PDE1C: variants seen among roughly 807,000 people sequenced by gnomAD.
PDE1C encodes phosphodiesterase 1C, also known as dual specificity calcium/calmodulin-dependent 3',5'-cyclic nucleotide phosphodiesterase 1C.
PDE1C carries 62 observed loss-of-function variants against 93.1 expected under a neutral mutation model. The ratio of observed to expected loss-of-function variants is 0.67; its 90% CI spans 0.54 to 0.82. The LOEUF is 0.82. Among genes scored for constraint, PDE1C ranks in the 40% least tolerant of loss-of-function variants. PDE1C has a pLI of 0.00. For synonymous variants in PDE1C, 325 were observed against 310.1 expected (o/e 1.05, Z -0.50); for missense variants, 742 against 884.6 (o/e 0.84, Z 2.04).
intron 3 of PDE1C, among the ~76,000 whole-genome samples, chr7:32,103,869 C>A (rs1248149664): frequency 1.3e-5 from 2 of 151,308 alleles, no homozygotes; most frequent in East Asian, 3.9e-4. Flanking sequence ...AGGATGCTAC[C>A]CAAATAATAG....
At chr7:32,399,796 C>G in intron 1 of PDE1C, among the ~76,000 whole-genome samples, 1 of 151,880 alleles carries the variant, frequency 6.6e-6, no homozygotes, top group Non-Finnish European at 1.5e-5. Flanking sequence ...TTTGGTCAGG[C>G]TGGTCTTGAA....
chr7:31,842,770 C>T (rs1792080451), intron 9 of PDE1C, among the ~76,000 whole-genome samples: 1 of 151,580 alleles, frequency 6.6e-6, no homozygotes, highest in Admixed American at 6.6e-5. Context: ...CTTATCATTA[C>T]TAATTTCTTC....
intron 1 of PDE1C, among the ~76,000 whole-genome samples, chr7:32,354,861 A>C (rs555915694): frequency 1.3e-5 from 2 of 152,324 alleles, no homozygotes; most frequent in South Asian, 2.1e-4. Context: ...GGGCCAGAAG[A>C]TCTCTCTAAG....
chr7:31,832,546 G>C (rs1192620539), intron 11 of PDE1C, among the ~76,000 whole-genome samples: 1 of 152,190 alleles, frequency 6.6e-6, no homozygotes, highest in African/African-American at 2.4e-5. Flanking sequence ...GTGCCATTGA[G>C]ATTTCCCATT....
At chr7:32,115,616 C>A (rs1415814967) in intron 3 of PDE1C, among the ~76,000 whole-genome samples, 2 of 151,996 alleles carry the variant, frequency 1.3e-5, no homozygotes, top group Non-Finnish European at 2.9e-5. Flanking sequence ...CACATGTATC[C>A]CGGAACTTAA....
chr7:31,640,549 C>A, the PDE1C span, among the ~76,000 whole-genome samples: 1 of 152,184 alleles, frequency 6.6e-6, no homozygotes, highest in South Asian at 2.1e-4. Context: ...TCTCTCAAAG[C>A]GCTAAGCTGG....
At chr7:32,250,284 G>A (rs1045031236) in intron 1 of PDE1C, among the ~76,000 whole-genome samples, 1 of 152,162 alleles carries the variant, frequency 6.6e-6, no homozygotes, top group African/African-American at 2.4e-5. Context: ...ACAGGAAAAG[G>A]AGACCCTGGG....
chr7:32,186,284 A>G (rs530030761), intron 2 of PDE1C, among the ~76,000 whole-genome samples: 4 of 151,824 alleles, frequency 2.6e-5, no homozygotes, highest in South Asian at 2.1e-4. Flanking sequence ...TTGTATTTTT[A>G]GTAGAGACGG....
At chr7:32,106,408 C>T (rs2128752698) in intron 3 of PDE1C, among the ~76,000 whole-genome samples, 1 of 151,542 alleles carries the variant, frequency 6.6e-6, no homozygotes, top group Admixed American at 6.6e-5. Context: ...AGACATCTGA[C>T]AAAAAATACA....
At chr7:32,057,411 G>C (rs554666998) in intron 1 of PDE1C, among the ~76,000 whole-genome samples, 5 of 152,204 alleles carry the variant, frequency 3.3e-5, no homozygotes, top group Non-Finnish European at 4.4e-5. Flanking sequence ...GCGTGCACTT[G>C]TGCACAACAG....
chr7:32,233,376 A>G (rs1264428867), intron 1 of PDE1C, among the ~76,000 whole-genome samples: 2 of 152,194 alleles, frequency 1.3e-5, no homozygotes, highest in African/African-American at 4.8e-5. Flanking sequence ...AAATACACCA[A>G]TTAAAAGACA....
intron 1 of PDE1C, among the ~76,000 whole-genome samples, chr7:32,311,175 C>G (rs1048983982): frequency 1.8e-4 from 27 of 152,184 alleles, no homozygotes; most frequent in Non-Finnish European, 2.8e-4. Context: ...AATTCCTCAA[C>G]ACATACACCC....
intron 3 of PDE1C, among the ~76,000 whole-genome samples, chr7:32,118,757 T>G (rs1271132822): frequency 6.6e-6 from 1 of 152,224 alleles, no homozygotes; most frequent in Non-Finnish European, 1.5e-5. Context: ...AGAGTCTTCA[T>G]GACTTAATCA....
chr7:31,927,971 G>T (rs1803626447), intron 2 of PDE1C, among the ~76,000 whole-genome samples: 2 of 152,032 alleles, frequency 1.3e-5, no homozygotes, highest in South Asian at 4.1e-4. Context: ...GCTTCAGAAG[G>T]TGGGTAATAA....
At chr7:31,879,274 T>G in intron 3 of PDE1C, 96 bp from the exon 4 acceptor site, 1 of 1,214,844 alleles carries the variant, frequency 8.2e-7, no homozygotes, top group Non-Finnish European at 1.1e-6. Context: ...ACCTGCATGT[T>G]AGGTGCAAAG....
At chr7:32,387,507 AC>A (rs538226626) in intron 1 of PDE1C, among the ~76,000 whole-genome samples, 6 of 131,960 alleles carry the variant, frequency 4.5e-5, no homozygotes, top group South Asian at 2.5e-4. Context: ...CGGGGGGCTG[AC>A]CCCCCCACCT....
chr7:32,300,730 A>G (rs2128902064), upstream of PDE1C, among the ~76,000 whole-genome samples: 1 of 152,326 alleles, frequency 6.6e-6, no homozygotes, highest in Middle Eastern at 3.4e-3. Context: ...TGACAAAAAT[A>G]ACGTATTTTA....
chr7:32,298,515 G>A lies in PDE1C; in HGVS notation c.85+136C>T, dbSNP rs1016093800. 6.2e-5 allele frequency: 67 copies of A among 1,073,504 alleles called. No individual in the cohort carries two copies. The Middle Eastern group carries it at 9.3e-4, about 15-fold the overall frequency. The allele number at this position is 1,073,504 out of a possible 1,614,324, so 66.5% of individuals were successfully genotyped here. A position where few individuals can be genotyped will look rare whatever the true frequency, so the allele number is the denominator to read the frequency against. ...CCCGACCCAGTCGCCGCTCCCGGGGGCTCCCGCCCGGAGAGCACCCTCCGG... is the reference window on the plus strand; with the variant it reads ...CCCGACCCAGTCGCCGCTCCCGGGGACTCCCGCCCGGAGAGCACCCTCCGG... On this transcript the variant is annotated intron_variant, in intron 1 of 18. Transcript: ENST00000396193.
At chr7:32,231,585 C>G (rs534332219) in intron 1 of PDE1C, among the ~76,000 whole-genome samples, 10 of 152,236 alleles carry the variant, frequency 6.6e-5, no homozygotes, top group African/African-American at 2.2e-4. Context: ...GTTTTACAAT[C>G]AAGTTCTATT....
Sources: allele counts gnomAD v4.1 joint callset (sites outside exome capture counted in the v4.1 genomes callset), GRCh38; gene constraint gnomAD v4.1.1; transcripts MANE v1.5; gene names NCBI Gene and HGNC (gene_info 2026-07-23, HGNC 2026-07-21).